Variants in ATP8B4 observed in about 807,000 individuals in gnomAD.
The protein encoded by ATP8B4 is ATPase phospholipid transporting 8B4 (putative), also known as probable phospholipid-transporting ATPase IM.
In ATP8B4, 133 loss-of-function variants were observed where a neutral mutation model predicts 145.6. That is an observed-to-expected ratio of 0.91 (90% confidence interval 0.79 to 1.05). The LOEUF is 1.05. ATP8B4 is among the 50% of genes least tolerant of loss of function. The pLI, the probability that ATP8B4 is intolerant of heterozygous loss-of-function variation, is 0.00. For missense variants in ATP8B4, 1,458 were observed against 1,425.2 expected (o/e 1.02, Z -0.37); for synonymous variants, 507 against 492.9 (o/e 1.03, Z -0.38).
chr15:50,018,507 T>C (rs943066305), intron 6 of ATP8B4, among the ~76,000 whole-genome samples: 18 of 152,314 alleles, frequency 1.2e-4, no homozygotes, highest in African/African-American at 4.3e-4. Flanking sequence ...ACAACTAAAC[T>C]ATCTCTGTCT....
At chr15:49,901,721 A>T in intron 20 of ATP8B4, 1 of 377,980 alleles carries the variant, frequency 2.6e-6, no homozygotes, top group Non-Finnish European at 5.1e-6. Flanking sequence ...ATCCAGCTTA[A>T]AATAGTCCTC....
At chr15:49,924,200 G>A (rs926654769) in intron 16 of ATP8B4, among the ~76,000 whole-genome samples, 5 of 151,754 alleles carry the variant, frequency 3.3e-5, no homozygotes, top group African/African-American at 7.3e-5. Flanking sequence ...CATTCCCACC[G>A]ACAACCCCCA....
intron 6 of ATP8B4, 86 bp from the exon 7 acceptor site, chr15:50,011,003 A>G (rs1282966712): frequency 3.3e-6 from 3 of 900,616 alleles, no homozygotes; most frequent in African/African-American, 1.8e-5. Flanking sequence ...GTAGCATCAT[A>G]TAACAGAGGA....
intron 6 of ATP8B4, among the ~76,000 whole-genome samples, chr15:50,031,759 T>C (rs186183462): frequency 9.1e-4 from 139 of 152,274 alleles, no homozygotes; most frequent in African/African-American, 3.3e-3. Context: ...TATAAATCTC[T>C]TGACCATAGG....
intron 14 of ATP8B4, among the ~76,000 whole-genome samples, chr15:49,960,472 T>C (rs778106964): frequency 6.6e-6 from 1 of 152,182 alleles, no homozygotes; most frequent in Non-Finnish European, 1.5e-5. Context: ...GGCTTTTAAA[T>C]AAATGGGTAA....
At chr15:49,920,885 C>G (rs1158072962) in intron 17 of ATP8B4, among the ~76,000 whole-genome samples, 1 of 152,170 alleles carries the variant, frequency 6.6e-6, no homozygotes, top group Non-Finnish European at 1.5e-5. Context: ...TCCCCAGGAA[C>G]CACAACATGA....
chr15:49,875,504 T>C (rs1233389711), intron 25 of ATP8B4, among the ~76,000 whole-genome samples: 2 of 152,182 alleles, frequency 1.3e-5, no homozygotes, highest in African/African-American at 4.8e-5. Flanking sequence ...TCACATAGCT[T>C]GCTGTACCTA....
At chr15:49,942,372 A>C (rs1200717807) in intron 14 of ATP8B4, among the ~76,000 whole-genome samples, 2 of 152,038 alleles carry the variant, frequency 1.3e-5, no homozygotes, top group Non-Finnish European at 2.9e-5. Flanking sequence ...AATTGGATGA[A>C]GCCAACAATC....
intron 14 of ATP8B4, among the ~76,000 whole-genome samples, chr15:49,956,368 T>G (rs1165487527): frequency 6.6e-6 from 1 of 152,088 alleles, no homozygotes; most frequent in African/African-American, 2.4e-5. Context: ...TTGAACACAG[T>G]TGCATTATAA....
intron 1 of ATP8B4, among the ~76,000 whole-genome samples, chr15:50,139,853 C>A (rs542396934): frequency 5.3e-5 from 8 of 152,322 alleles, no homozygotes; most frequent in Admixed American, 2.0e-4. Context: ...TTGAGTCCAA[C>A]TGCACAGCAA....
At chr15:50,153,465 A>G (rs764210196) in intron 1 of ATP8B4, among the ~76,000 whole-genome samples, 1 of 151,882 alleles carries the variant, frequency 6.6e-6, no homozygotes, top group Non-Finnish European at 1.5e-5. Flanking sequence ...CCATCTCCTG[A>G]GTAGCGGGAA....
At chr15:50,103,014 G>A (rs1768018420) in intron 2 of ATP8B4, among the ~76,000 whole-genome samples, 1 of 152,084 alleles carries the variant, frequency 6.6e-6, no homozygotes, top group African/African-American at 2.4e-5. Context: ...CTCAATAGAT[G>A]CAGAAAAAGT....
At chr15:50,013,952 C>A (rs7177104) in intron 6 of ATP8B4, among the ~76,000 whole-genome samples, 1 of 151,996 alleles carries the variant, frequency 6.6e-6, no homozygotes, top group Non-Finnish European at 1.5e-5. Flanking sequence ...TCATGCTCCA[C>A]GTCACTAGAC....
At chr15:50,001,925 G>A (rs1883610710) in intron 8 of ATP8B4, among the ~76,000 whole-genome samples, 1 of 152,082 alleles carries the variant, frequency 6.6e-6, no homozygotes, top group South Asian at 2.1e-4. Flanking sequence ...AAGATTCTCT[G>A]TGTAAAGTTA....
intron 6 of ATP8B4, among the ~76,000 whole-genome samples, 199 bp downstream of exon 6, chr15:50,038,569 C>T (rs1480183623): frequency 6.6e-6 from 1 of 151,818 alleles, no homozygotes; most frequent in African/African-American, 2.4e-5. Flanking sequence ...AATCTGAAGT[C>T]AAAGTTGAGT....
At chr15:50,115,069 A>T (rs1231479971) in intron 1 of ATP8B4, among the ~76,000 whole-genome samples, 3 of 152,196 alleles carry the variant, frequency 2.0e-5, no homozygotes, top group Non-Finnish European at 4.4e-5. Context: ...AGTAGCTCAC[A>T]CCTGTAATCC....
At chr15:50,037,579 T>C (rs1157176493) in intron 6 of ATP8B4, among the ~76,000 whole-genome samples, 5 of 152,184 alleles carry the variant, frequency 3.3e-5, no homozygotes, top group African/African-American at 1.2e-4. Flanking sequence ...ACAGAATTAT[T>C]CAGAGTAGGA....
chr15:49,987,328 A>T, intron 10 of ATP8B4, 63 bp downstream of exon 10: 1 of 1,543,506 alleles, frequency 6.5e-7, no homozygotes, highest in Non-Finnish European at 8.8e-7. Context: ...AGAATCATAG[A>T]CTGTGCTGGT....
chr15:50,165,136 G>A (rs1393044065), intron 1 of ATP8B4, among the ~76,000 whole-genome samples: 1 of 151,228 alleles, frequency 6.6e-6, no homozygotes, highest in Non-Finnish European at 1.5e-5. Flanking sequence ...TGAAACCTCT[G>A]TCTCCCAGGT....
Sources: gnomAD v4.1 joint callset for allele counts (sites outside exome capture counted in the v4.1 genomes callset) on GRCh38, gnomAD v4.1.1 for gene constraint, MANE v1.5 for transcripts, NCBI Gene and HGNC (gene_info 2026-07-23, HGNC 2026-07-21) for gene names.